Variants in PDE7B observed in about 807,000 individuals in gnomAD.
The protein encoded by PDE7B is 3',5'-cyclic-AMP phosphodiesterase 7B.
Under a neutral mutation model 56.2 loss-of-function variants are expected in PDE7B, and 29 were observed. The observed-to-expected ratio is 0.52, with a 90% CI of 0.38 to 0.70. The LOEUF is 0.70. PDE7B is among the 30% of genes least tolerant of loss of function. The pLI, the probability that PDE7B is intolerant of heterozygous loss-of-function variation, is 0.00. For synonymous variants in PDE7B, 197 were observed against 196.9 expected (o/e 1.00, Z 0.00); for missense variants, 490 against 565.0 (o/e 0.87, Z 1.35).
chr6:135,956,504 T>G (rs1374410880), intron 2 of PDE7B, among the ~76,000 whole-genome samples: 1 of 152,124 alleles, frequency 6.6e-6, no homozygotes, highest in Middle Eastern at 3.4e-3. Context: ...GAGGGCTGAG[T>G]GCAGTGGCTC....
chr6:135,968,510 A>G (rs537732849), intron 2 of PDE7B, among the ~76,000 whole-genome samples: 21 of 152,362 alleles, frequency 1.4e-4, no homozygotes, highest in Non-Finnish European at 3.1e-4. Flanking sequence ...TTCTCAAAAG[A>G]AGATATTTAT....
intron 1 of PDE7B, among the ~76,000 whole-genome samples, chr6:135,868,723 G>A (rs377078939): frequency 6.6e-5 from 10 of 152,192 alleles, no homozygotes; most frequent in Non-Finnish European, 1.3e-4. Flanking sequence ...GTGAGCCACC[G>A]CGCCCAGCCT....
At chr6:135,983,445 A>G (rs1022218897) in intron 2 of PDE7B, among the ~76,000 whole-genome samples, 1 of 152,244 alleles carries the variant, frequency 6.6e-6, no homozygotes, top group Non-Finnish European at 1.5e-5. Flanking sequence ...AACTACCTAC[A>G]TTAGATAAAC....
chr6:136,176,539 T>C (rs1192444095), intron 9 of PDE7B, among the ~76,000 whole-genome samples: 1 of 152,130 alleles, frequency 6.6e-6, no homozygotes, highest in Non-Finnish European at 1.5e-5. Flanking sequence ...CATAAATTTT[T>C]GTGATTTTTT....
At chr6:136,005,484 C>T (rs1286483575) in intron 2 of PDE7B, among the ~76,000 whole-genome samples, 24 of 152,146 alleles carry the variant, frequency 1.6e-4, no homozygotes, top group South Asian at 4.2e-4. Flanking sequence ...CCAGAATCTA[C>T]AATGAACTCC....
At chr6:136,138,023 A>G (rs1778245916) in intron 3 of PDE7B, among the ~76,000 whole-genome samples, 1 of 152,154 alleles carries the variant, frequency 6.6e-6, no homozygotes, top group Non-Finnish European at 1.5e-5. Flanking sequence ...TTTGGAAACC[A>G]TAAAACAATA....
At chr6:136,068,901 T>C (rs1448150270) in intron 2 of PDE7B, among the ~76,000 whole-genome samples, 1 of 152,160 alleles carries the variant, frequency 6.6e-6, no homozygotes, top group Admixed American at 6.5e-5. Context: ...GCAATCTGTT[T>C]TGGGGTAAAA....
At chr6:135,999,916 C>T (rs928050361) in intron 2 of PDE7B, among the ~76,000 whole-genome samples, 3 of 152,168 alleles carry the variant, frequency 2.0e-5, no homozygotes, top group Non-Finnish European at 4.4e-5. Flanking sequence ...TGCAACCTCA[C>T]CAGCATATGT....
intron 2 of PDE7B, chr6:136,037,646 C>T: frequency 1.0e-6 from 1 of 985,442 alleles, no homozygotes; most frequent in African/African-American, 1.7e-5. Flanking sequence ...GCTTGCAGGC[C>T]TGAGCCTGTA....
At chr6:135,983,917 GT>G (rs1372805752) in intron 2 of PDE7B, among the ~76,000 whole-genome samples, 9 of 152,234 alleles carry the variant, frequency 5.9e-5, no homozygotes, top group African/African-American at 2.2e-4. Context: ...ATATGTGTGT[GT>G]TTGCACACCA....
At chr6:136,064,324 A>G (rs1381252923) in intron 2 of PDE7B, 1 of 152,238 alleles carries the variant, frequency 6.6e-6, no homozygotes, top group Non-Finnish European at 1.5e-5. Flanking sequence ...ATTACCAAAC[A>G]GTAGGCAAAA....
At chr6:135,976,950 C>T (rs922603406) in intron 2 of PDE7B, among the ~76,000 whole-genome samples, 3 of 152,106 alleles carry the variant, frequency 2.0e-5, no homozygotes, top group Non-Finnish European at 4.4e-5. Context: ...TAGTGTAGGA[C>T]CTCTATACAT....
chr6:136,087,182 C>A (rs117256975), intron 2 of PDE7B, among the ~76,000 whole-genome samples: 52 of 152,236 alleles, frequency 3.4e-4, no homozygotes, highest in Non-Finnish European at 6.3e-4. Flanking sequence ...GATTGTGGCA[C>A]GGCTGGGCAT....
intron 1 of PDE7B, among the ~76,000 whole-genome samples, chr6:135,880,707 G>A (rs1439396613): frequency 6.6e-6 from 1 of 152,230 alleles, no homozygotes; most frequent in Admixed American, 6.5e-5. Context: ...GGCAGAGGAA[G>A]TTAAAGCCAA....
chr6:136,106,289 G>T (rs1369405990), intron 2 of PDE7B, among the ~76,000 whole-genome samples: 2 of 152,246 alleles, frequency 1.3e-5, no homozygotes, highest in East Asian at 1.9e-4. Flanking sequence ...TTAACATGCT[G>T]TATTTTCTCA....
chr6:136,097,826 T>C (rs1282602810), intron 2 of PDE7B, among the ~76,000 whole-genome samples: 2 of 151,858 alleles, frequency 1.3e-5, no homozygotes, highest in African/African-American at 2.4e-5. Context: ...CTTGGCTTTG[T>C]TATGATCTCT....
At chr6:135,984,690 G>C (rs931902140) in intron 2 of PDE7B, among the ~76,000 whole-genome samples, 2 of 152,082 alleles carry the variant, frequency 1.3e-5, no homozygotes, top group Non-Finnish European at 2.9e-5. Context: ...TTACTGCAGT[G>C]GTTGCAAACC....
intron 2 of PDE7B, among the ~76,000 whole-genome samples, chr6:135,957,373 T>C (rs968578868): frequency 6.6e-6 from 1 of 152,172 alleles, no homozygotes; most frequent in Non-Finnish European, 1.5e-5. Flanking sequence ...AGTTGGACAC[T>C]GTAAATATCC....
At position 135,955,619 on chromosome 6, in the gene PDE7B, T is replaced by C. The variant is rs145866432; in HGVS notation, c.82+8095T>C. ...TAAGCAGAGGAGCTACAAGGGGAGA[T>C]ACACACTTTAGACAGATCATCTGTT... is the stretch of plus-strand genomic sequence containing the variant. On this transcript the variant is annotated intron_variant, in intron 2 of 12. Coordinates refer to ENST00000308191, the MANE Select transcript of PDE7B (RefSeq NM_018945.4). Among the ~76,000 whole-genome samples, 241 of 152,158 alleles carry C rather than the reference T, an allele frequency of 1.6e-3. 1 individual carries two copies. In the East Asian group the frequency reaches 0.028, roughly 17 times the overall value.
Sources: allele counts gnomAD v4.1 joint callset (sites outside exome capture counted in the v4.1 genomes callset), GRCh38; gene constraint gnomAD v4.1.1; transcripts MANE v1.5; gene names NCBI Gene and HGNC (gene_info 2026-07-23, HGNC 2026-07-21).